Variants in PXDNL observed in about 807,000 individuals in gnomAD.
PXDNL encodes peroxidasin like, also known as probable oxidoreductase PXDNL.
PXDNL carries 145 observed loss-of-function variants against 150.8 expected under a neutral mutation model. That is an observed-to-expected ratio of 0.96 (90% confidence interval 0.84 to 1.10). PXDNL has a LOEUF of 1.10. Among genes scored for constraint, PXDNL ranks in the 50% least tolerant of loss-of-function variants. The pLI is 0.00. For missense variants in PXDNL, 2,087 were observed against 1,873.9 expected (o/e 1.11, Z -2.10); for synonymous variants, 757 against 725.7 (o/e 1.04, Z -0.69).
chr8:51,521,167 A>G (rs536343837), intron 4 of PXDNL, among the ~76,000 whole-genome samples: 26 of 152,306 alleles, frequency 1.7e-4, no homozygotes, highest in East Asian at 1.5e-3. Context: ...GCTTGAGCCC[A>G]GGAGTATGAG....
chr8:51,473,757 A>C (rs540005649), intron 7 of PXDNL, among the ~76,000 whole-genome samples: 45 of 152,092 alleles, frequency 3.0e-4, no homozygotes, highest in Non-Finnish European at 5.0e-4. Context: ...AAAAAAAAAA[A>C]AAAAAACAGT....
chr8:51,508,525 C>A (rs1454002122), intron 4 of PXDNL, among the ~76,000 whole-genome samples: 3 of 152,186 alleles, frequency 2.0e-5, no homozygotes, highest in African/African-American at 7.2e-5. Flanking sequence ...CAGATCTTCT[C>A]CCACCTCAAT....
chr8:51,468,972 T>C (rs902909620), intron 8 of PXDNL, among the ~76,000 whole-genome samples: 13 of 152,042 alleles, frequency 8.6e-5, no homozygotes, highest in African/African-American at 3.1e-4. Context: ...TGTTCAACTT[T>C]GCTTTTTGCA....
intron 4 of PXDNL, among the ~76,000 whole-genome samples, chr8:51,524,722 A>T (rs1196087761): frequency 6.6e-6 from 1 of 152,164 alleles, no homozygotes; most frequent in Non-Finnish European, 1.5e-5. Flanking sequence ...TGAATGTGTC[A>T]GGAAAATGCA....
At chr8:51,356,833 G>A (rs1304802398) in intron 19 of PXDNL, among the ~76,000 whole-genome samples, 1 of 152,092 alleles carries the variant, frequency 6.6e-6, no homozygotes, top group South Asian at 2.1e-4. Context: ...CACCAGCTAC[G>A]CCTCTGTCGG....
chr8:51,705,363 C>T (rs1179162699), intron 1 of PXDNL, among the ~76,000 whole-genome samples: 1 of 152,172 alleles, frequency 6.6e-6, no homozygotes, highest in East Asian at 1.9e-4. Flanking sequence ...GGAAGAGCTC[C>T]TTAGGTTACT....
At chr8:51,751,276 T>G (rs1349823456) in intron 1 of PXDNL, among the ~76,000 whole-genome samples, 2 of 152,200 alleles carry the variant, frequency 1.3e-5, no homozygotes, top group African/African-American at 4.8e-5. Flanking sequence ...TAATTTACAA[T>G]GACATGAGAC....
intron 4 of PXDNL, among the ~76,000 whole-genome samples, chr8:51,537,990 G>A (rs1474503979): frequency 6.6e-6 from 1 of 152,146 alleles, no homozygotes; most frequent in South Asian, 2.1e-4. Flanking sequence ...AGAGAATATT[G>A]TATTACTATT....
At chr8:51,358,494 G>C (rs1174040224) in intron 19 of PXDNL, among the ~76,000 whole-genome samples, 1 of 152,136 alleles carries the variant, frequency 6.6e-6, no homozygotes, top group Non-Finnish European at 1.5e-5. Context: ...GATTAAACAG[G>C]GTCTTCTGTG....
intron 1 of PXDNL, among the ~76,000 whole-genome samples, chr8:51,755,742 A>T (rs1293276930): frequency 6.6e-6 from 1 of 152,204 alleles, no homozygotes; most frequent in East Asian, 1.9e-4. Context: ...TTGTGTGTTC[A>T]CAGTCAAAAT....
At chr8:51,591,318 G>A (rs1270847847) in intron 3 of PXDNL, among the ~76,000 whole-genome samples, 1 of 152,150 alleles carries the variant, frequency 6.6e-6, no homozygotes, top group Non-Finnish European at 1.5e-5. Context: ...AAGGTTAGGC[G>A]AGCAGATGGA....
At chr8:51,456,939 A>G (rs925207327) in intron 9 of PXDNL, among the ~76,000 whole-genome samples, 8 of 152,210 alleles carry the variant, frequency 5.3e-5, no homozygotes, top group Non-Finnish European at 2.9e-5. Flanking sequence ...GCTATCATCT[A>G]ATAGATGATG....
rs372280221 is a variant in PXDNL, at chr8:51,374,646, G to A, written c.3643C>T (p.Leu1215Phe). The change falls in exon 18 of 23, where the codon CTT (leucine) becomes TTT (phenylalanine). Residue 1215 changes from leucine (L) to phenylalanine (F), a missense_variant. Leu to Phe is a conservative substitution (Grantham distance 22). Coordinates refer to ENST00000356297, the MANE Select transcript of PXDNL (RefSeq NM_144651.5). Reference sequence around the variant, plus strand: ...AACTGGGTAACAAACAGGCACATAAGTGTTGGTCCCACTCTTGTACCAGGA... The same window carrying A: ...AACTGGGTAACAAACAGGCACATAAATGTTGGTCCCACTCTTGTACCAGGA... ...LIPGTRVGPT[L>F]MCLFVTQFQR... The A allele has an allele frequency of 3.6e-5, 58 of 1,613,768 alleles. No individual in the cohort carries two copies. In the African/African-American group the frequency reaches 5.9e-4, roughly 16 times the overall value.
intron 12 of PXDNL, chr8:51,435,843 G>T: frequency 4.4e-6 from 2 of 454,322 alleles, no homozygotes; most frequent in South Asian, 1.8e-5. Flanking sequence ...TTTTATGCAG[G>T]ACTTGAGAAT....
chr8:51,476,104 A>AAAAC (rs113149688), intron 6 of PXDNL, among the ~76,000 whole-genome samples: 30,724 of 151,766 alleles, frequency 0.2, 4,143 homozygotes, highest in African/African-American at 0.39. Context: ...CCCAAAAGCA[A>AAAAC]AAACAAACAA....
intron 7 of PXDNL, among the ~76,000 whole-genome samples, chr8:51,473,713 A>G (rs7845177): frequency 1 from 149,669 of 150,088 alleles, 74,625 homozygotes; most frequent in Middle Eastern, 1. Flanking sequence ...CTGCGCACTG[A>G]GCACACATAC....
intron 3 of PXDNL, among the ~76,000 whole-genome samples, chr8:51,565,623 G>A (rs1266003678): frequency 6.6e-6 from 1 of 151,802 alleles, no homozygotes; most frequent in Non-Finnish European, 1.5e-5. Context: ...TTGTCTATAT[G>A]GATGGCTGAG....
At chr8:51,410,113 C>T (rs1403523625) in intron 16 of PXDNL, among the ~76,000 whole-genome samples, 1 of 152,124 alleles carries the variant, frequency 6.6e-6, no homozygotes, top group Non-Finnish European at 1.5e-5. Flanking sequence ...AAAGAAATAT[C>T]AATATGGATC....
intron 12 of PXDNL, among the ~76,000 whole-genome samples, chr8:51,427,755 A>G (rs1286183234): frequency 6.6e-6 from 1 of 152,220 alleles, no homozygotes; most frequent in African/African-American, 2.4e-5. Flanking sequence ...ACAACTTGGA[A>G]AAGAACATAT....
Sources: gnomAD v4.1 joint callset for allele counts (sites outside exome capture counted in the v4.1 genomes callset) on GRCh38, gnomAD v4.1.1 for gene constraint, MANE v1.5 for transcripts, NCBI Gene and HGNC (gene_info 2026-07-23, HGNC 2026-07-21) for gene names.